The following ANO2 variants were observed in gnomAD, a reference collection of about 807,000 sequenced individuals.
The protein encoded by ANO2 is anoctamin-2.
In ANO2, 101 loss-of-function variants were observed where a neutral mutation model predicts 124.2. The observed-to-expected ratio is 0.81, with a 90% confidence interval of 0.69 to 0.96. The LOEUF (loss-of-function observed/expected upper bound fraction) is 0.96, where lower values mean the gene tolerates loss of function less well. ANO2 is among the 40% of genes least tolerant of loss of function. The pLI is 0.00. For synonymous variants in ANO2, 486 were observed against 482.5 expected, an observed-to-expected ratio of 1.01 and a Z score of -0.09; for missense variants, 1,293 against 1,274.5, an observed-to-expected ratio of 1.01 and a Z score of -0.22.
intron 14 of ANO2, among the ~76,000 whole-genome samples, chr12:5,679,629 C>CA (rs1375255940): frequency 6.6e-6 from 1 of 152,056 alleles, no homozygotes; most frequent in African/African-American, 2.4e-5. Flanking sequence ...ATTAAAAAGT[C>CA]AAAAAACAAC....
intron 20 of ANO2, among the ~76,000 whole-genome samples, chr12:5,587,258 C>T (rs2136861428): frequency 6.6e-6 from 1 of 152,318 alleles, no homozygotes; most frequent in South Asian, 2.1e-4. Context: ...TATCATGACC[C>T]TGGGCCATTG....
chr12:5,739,079 C>T (rs1163138591), intron 13 of ANO2: 2 of 650,892 alleles, frequency 3.1e-6, no homozygotes, highest in Admixed American at 4.1e-5. Flanking sequence ...GGACATCTGC[C>T]CAAACACCAG....
Position 5,807,319 on chromosome 12 carries a change from A to AAGAGGGTAGGC in ANO2, c.931_941dup (p.His315ProfsTer16). On this transcript the variant is annotated frameshift_variant, in exon 8 of 25. Coordinates refer to ENST00000682330, the MANE Select transcript of ANO2 (RefSeq NM_001364791.2). LOFTEE classifies it high-confidence loss of function. ...TGATGAAAATAGTACTTACGTCATG[A>AAGAGGGTAGGC]AGAGGGTAGGCAGCCTCATAGATAT... The AAGAGGGTAGGC allele has an allele frequency of 6.4e-7, 1 of 1,553,996 alleles. No individual in the cohort carries two copies. Among genetic ancestry groups the AAGAGGGTAGGC allele is most frequent in the Non-Finnish European group, 8.7e-7 (1 of 1,148,436 alleles).
At chr12:5,619,956 T>C (rs1945026820) in intron 16 of ANO2, among the ~76,000 whole-genome samples, 1 of 152,246 alleles carries the variant, frequency 6.6e-6, no homozygotes. Context: ...GGACACTGTT[T>C]CTGAGCAGGC....
chr12:5,586,053 A>G (rs540496352), intron 20 of ANO2, among the ~76,000 whole-genome samples: 1 of 152,224 alleles, frequency 6.6e-6, no homozygotes, highest in Non-Finnish European at 1.5e-5. Context: ...GGGCAGCAGT[A>G]CAGTTCTTCA....
At chr12:5,674,644 G>A (rs978328467) in intron 14 of ANO2, among the ~76,000 whole-genome samples, 1 of 152,146 alleles carries the variant, frequency 6.6e-6, no homozygotes, top group Non-Finnish European at 1.5e-5. Flanking sequence ...AGCTCCTCAG[G>A]TGTCAGTTCC....
chr12:5,566,350 G>A (rs1941762133), intron 23 of ANO2, among the ~76,000 whole-genome samples: 1 of 152,170 alleles, frequency 6.6e-6, no homozygotes, highest in African/African-American at 2.4e-5. Flanking sequence ...GTGATTTCAT[G>A]CCTCTTTCTC....
intron 3 of ANO2, among the ~76,000 whole-genome samples, chr12:5,917,468 A>G (rs1163560556): frequency 6.6e-6 from 1 of 151,774 alleles, no homozygotes; most frequent in Non-Finnish European, 1.5e-5. Flanking sequence ...TAGCAGTAAT[A>G]TTCTTTGTTA....
rs774440080 is a variant in ANO2, at chr12:5,750,921, A to G, written c.1105T>C (p.Tyr369His). 10 of 1,610,668 alleles carry G rather than the reference A, an allele frequency of 6.2e-6. No individual in the cohort carries two copies. The highest frequency in any genetic ancestry group is 7.6e-6 in the Non-Finnish European group (9 of 1,178,192). Residue 369 changes from tyrosine (Y) to histidine (H), a missense_variant, in exon 11 of 25, where the codon TAT becomes CAT. Physicochemically the swap from Tyr to His is moderately conservative, Grantham distance 83. Transcript: ENST00000682330. The part of the protein sequence containing the change: ...IGLYFAWLGL[Y>H]TSFLIPSSVI... ...GAAGATGGGATGAGGAATGATGTAT[A>G]TAATCCCAGCCAGGCAAAATACAGT...
chr12:5,938,639 G>A (rs1205996448), intron 1 of ANO2, among the ~76,000 whole-genome samples: 2 of 151,936 alleles, frequency 1.3e-5, no homozygotes, highest in Non-Finnish European at 2.9e-5. Context: ...TGGCCAACAT[G>A]GTGAAACTCC....
At position 5,603,944 on chromosome 12, in the gene ANO2, C is replaced by CAAAA. The variant is rs63415160; in HGVS notation, c.2088-4319_2088-4316dup. Among the ~76,000 whole-genome samples, 727 of 73,118 alleles carry CAAAA rather than the reference C, an allele frequency of 9.9e-3. 27 individuals are homozygous for CAAAA. The highest frequency in any genetic ancestry group is 0.012 in the South Asian group (18 of 1,472). The allele number at this position is 73,118 out of a possible 152,430, so 48.0% of individuals were successfully genotyped here. A position where few individuals can be genotyped will look rare whatever the true frequency, so the allele number is the denominator to read the frequency against. On this transcript the variant is annotated intron_variant, in intron 19 of 24. Transcript: ENST00000682330. Reference sequence around the variant, plus strand: ...TGGGTGAAAGAGCGAGATTCCGTCTCAAAAAAAAAAAAAAAAAAAAAGAAA... The same window carrying CAAAA: ...TGGGTGAAAGAGCGAGATTCCGTCTCAAAAAAAAAAAAAAAAAAAAAAAAAGAAA...
intron 1 of ANO2, among the ~76,000 whole-genome samples, chr12:5,932,986 C>A (rs1942489634): frequency 6.6e-6 from 1 of 152,156 alleles, no homozygotes; most frequent in East Asian, 1.9e-4. Flanking sequence ...TTGCAATGGG[C>A]CTCGGGCCTG....
chr12:5,812,739 G>C (rs191722766), intron 7 of ANO2, among the ~76,000 whole-genome samples: 1,372 of 100,898 alleles, frequency 0.014, 36 homozygotes, highest in Admixed American at 0.047. Context: ...GGAGGCAAGA[G>C]GGAAGGGAGG....
intron 16 of ANO2, among the ~76,000 whole-genome samples, chr12:5,628,938 T>C (rs1945555405): frequency 6.6e-6 from 1 of 152,160 alleles, no homozygotes; most frequent in African/African-American, 2.4e-5. Context: ...AGGTGGGCCC[T>C]CAATGGAACT....
intron 1 of ANO2, among the ~76,000 whole-genome samples, chr12:5,935,268 A>C (rs1376257213): frequency 1.3e-5 from 2 of 152,070 alleles, no homozygotes; most frequent in Non-Finnish European, 2.9e-5. Context: ...GGTACATAAT[A>C]ATCTTTGAGG....
chr12:5,873,714 C>T (rs1937894540), intron 3 of ANO2, among the ~76,000 whole-genome samples: 1 of 152,232 alleles, frequency 6.6e-6, no homozygotes, highest in Non-Finnish European at 1.5e-5. Flanking sequence ...CCGACTGAAT[C>T]CTCCCTGAGC....
intron 9 of ANO2, among the ~76,000 whole-genome samples, chr12:5,803,551 T>C (rs1565680778): frequency 6.6e-6 from 1 of 151,826 alleles, no homozygotes; most frequent in Non-Finnish European, 1.5e-5. Context: ...AGAGAGCCAG[T>C]GGGAGCCGGG....
intron 23 of ANO2, among the ~76,000 whole-genome samples, chr12:5,575,122 A>G (rs1294970745): frequency 1.3e-5 from 2 of 151,938 alleles, no homozygotes; most frequent in African/African-American, 4.8e-5. Flanking sequence ...CAGGAGGCCC[A>G]CCCTTTCCAT....
chr12:5,613,282 A>T (rs1308084318), intron 17 of ANO2, among the ~76,000 whole-genome samples: 1 of 152,140 alleles, frequency 6.6e-6, no homozygotes, highest in Non-Finnish European at 1.5e-5. Context: ...CTCTAAGTGC[A>T]CTGTCGTCAC....
Sources: allele counts gnomAD v4.1 joint callset (sites outside exome capture counted in the v4.1 genomes callset), GRCh38; gene constraint gnomAD v4.1.1; transcripts MANE v1.5; gene names NCBI Gene and HGNC (gene_info 2026-07-23, HGNC 2026-07-21).